Variants in PDE4D observed in about 807,000 individuals in gnomAD.
The protein encoded by PDE4D is 3',5'-cyclic-AMP phosphodiesterase 4D.
PDE4D carries 24 observed loss-of-function variants against 87.4 expected under a neutral mutation model. The ratio of observed to expected loss-of-function variants is 0.27; its 90% CI spans 0.20 to 0.39. The LOEUF is 0.39. Among genes scored for constraint, PDE4D ranks in the 10% least tolerant of loss-of-function variants. PDE4D has a pLI of 1.00. For missense variants in PDE4D, 714 were observed against 1,041.0 expected (o/e 0.69, Z 4.32); for synonymous variants, 384 against 383.2 (o/e 1.00, Z -0.02).
intron 3 of PDE4D, among the ~76,000 whole-genome samples, chr5:59,906,049 C>A (rs1220740728): frequency 6.6e-6 from 1 of 152,126 alleles, no homozygotes; most frequent in Non-Finnish European, 1.5e-5. Flanking sequence ...GGAGGGCCTA[C>A]TATGTCAGAT....
Position 58,974,043 on chromosome 5 carries a change from T to TAATA in PDE4D, c.*617_*620dup, listed in dbSNP as rs1162025198. 1.3e-5 allele frequency: 2 copies of TAATA among 152,600 alleles called. No individual in the cohort carries two copies. The highest frequency in any genetic ancestry group is 2.4e-5 in the African/African-American group (1 of 41,440). 9.5% of individuals were successfully genotyped at this position (152,600 alleles called of 1,614,324 possible). A position where few individuals can be genotyped will look rare whatever the true frequency, so the allele number is the denominator to read the frequency against. The stretch of plus-strand genomic sequence containing the variant: ...TTCTGAACATAGTTTTTTTTAAATA[T>TAATA]AATACCTCAATACATTTAATAATAA... On this transcript the variant is annotated 3_prime_UTR_variant, in exon 15 of 15. Coordinates refer to ENST00000340635, the MANE Select transcript of PDE4D (RefSeq NM_001104631.2).
At chr5:59,294,675 C>A (rs1351663148) in intron 1 of PDE4D, among the ~76,000 whole-genome samples, 3 of 152,136 alleles carry the variant, frequency 2.0e-5, no homozygotes, top group Admixed American at 6.6e-5. Context: ...CTTGAAAGAA[C>A]AATGCACGCA....
intron 1 of PDE4D, among the ~76,000 whole-genome samples, chr5:59,509,321 A>T (rs914021944): frequency 6.6e-6 from 1 of 151,824 alleles, no homozygotes; most frequent in Non-Finnish European, 1.5e-5. Flanking sequence ...GCACAAAATA[A>T]GATAGTAAGA....
intron 1 of PDE4D, among the ~76,000 whole-genome samples, chr5:59,882,060 T>C (rs1333503109): frequency 6.6e-6 from 1 of 152,196 alleles, no homozygotes; most frequent in Non-Finnish European, 1.5e-5. Flanking sequence ...TGTGGGTCTG[T>C]TGATTTATTT....
At chr5:60,017,474 T>C (rs184951945) in intron 2 of PDE4D, among the ~76,000 whole-genome samples, 1 of 152,042 alleles carries the variant, frequency 6.6e-6, no homozygotes, top group East Asian at 1.9e-4. Context: ...TGGGCCCCAG[T>C]GTGTGTTGTT....
intron 5 of PDE4D, among the ~76,000 whole-genome samples, chr5:59,111,077 AC>A (rs1262358763): frequency 2.0e-5 from 3 of 152,144 alleles, no homozygotes; most frequent in African/African-American, 7.2e-5. Flanking sequence ...TTGCAAAGCT[AC>A]TTTTCTTTAA....
At chr5:60,501,918 A>G (rs1348365581) in intron 1 of PDE4D, among the ~76,000 whole-genome samples, 1 of 152,088 alleles carries the variant, frequency 6.6e-6, no homozygotes, top group Non-Finnish European at 1.5e-5. Context: ...TGTCAGATGA[A>G]TAGATTGTGA....
chr5:59,708,035 CA>C (rs1561515125), intron 1 of PDE4D, among the ~76,000 whole-genome samples: 1 of 152,136 alleles, frequency 6.6e-6, no homozygotes, highest in Non-Finnish European at 1.5e-5. Context: ...AATCGCCATA[CA>C]GTCTTCCATA....
intron 1 of PDE4D, among the ~76,000 whole-genome samples, chr5:60,454,344 G>A (rs545397018): frequency 2.2e-4 from 34 of 152,090 alleles, no homozygotes; most frequent in Non-Finnish European, 4.4e-4. Context: ...AAAGATACAC[G>A]CATGCGTATG....
At chr5:59,176,949 A>G (rs901233504) in intron 5 of PDE4D, among the ~76,000 whole-genome samples, 6 of 152,112 alleles carry the variant, frequency 3.9e-5, no homozygotes, top group African/African-American at 1.2e-4. Flanking sequence ...ATTTTGGCCA[A>G]TTTAAGGACC....
intron 1 of PDE4D, among the ~76,000 whole-genome samples, chr5:59,335,671 G>A (rs1777534732): frequency 6.6e-6 from 1 of 152,100 alleles, no homozygotes; most frequent in African/African-American, 2.4e-5. Flanking sequence ...AGTAAGAATT[G>A]CTCCTTTAAA....
chr5:59,080,988 G>C (rs921083327), intron 5 of PDE4D, among the ~76,000 whole-genome samples: 1 of 152,084 alleles, frequency 6.6e-6, no homozygotes, highest in African/African-American at 2.4e-5. Context: ...CCAAGTTTAT[G>C]TTTTAGACAC....
At chr5:59,708,042 C>T (rs1402286262) in intron 1 of PDE4D, among the ~76,000 whole-genome samples, 1 of 152,136 alleles carries the variant, frequency 6.6e-6, no homozygotes, top group Admixed American at 6.6e-5. Context: ...ATACAGTCTT[C>T]CATAATGGTT....
intron 2 of PDE4D, among the ~76,000 whole-genome samples, chr5:59,995,921 T>C (rs944323404): frequency 3.3e-5 from 5 of 152,174 alleles, no homozygotes; most frequent in Non-Finnish European, 7.3e-5. Context: ...CTCCATTTCT[T>C]CAACTGCAAG....
At chr5:59,795,067 G>GA (rs1766305218) in intron 1 of PDE4D, among the ~76,000 whole-genome samples, 1 of 152,178 alleles carries the variant, frequency 6.6e-6, no homozygotes, top group Non-Finnish European at 1.5e-5. Flanking sequence ...GCGGGGCTCT[G>GA]AAAACTAGAT....
At chr5:60,421,727 T>C (rs1415974609) in intron 1 of PDE4D, among the ~76,000 whole-genome samples, 2 of 152,116 alleles carry the variant, frequency 1.3e-5, no homozygotes, top group Non-Finnish European at 2.9e-5. Flanking sequence ...TTCAGAAGGA[T>C]GGTAATAACA....
chr5:59,983,145 C>T (rs1250270964), intron 3 of PDE4D, among the ~76,000 whole-genome samples: 1 of 152,084 alleles, frequency 6.6e-6, no homozygotes, highest in African/African-American at 2.4e-5. Context: ...CACTACCCGG[C>T]CATCAGCCAC....
chr5:60,374,222 G>C (rs1004818623), intron 1 of PDE4D, among the ~76,000 whole-genome samples: 35 of 152,074 alleles, frequency 2.3e-4, no homozygotes, highest in Admixed American at 2.0e-3. Flanking sequence ...TCATAATGTT[G>C]TATGGGAAAG....
intron 1 of PDE4D, among the ~76,000 whole-genome samples, chr5:59,527,082 T>C (rs959519310): frequency 5.9e-5 from 9 of 152,210 alleles, no homozygotes; most frequent in South Asian, 2.1e-4. Flanking sequence ...ACAGAAAATA[T>C]AGGCAAAACG....
Sources: allele counts gnomAD v4.1 joint callset (sites outside exome capture counted in the v4.1 genomes callset), GRCh38; gene constraint gnomAD v4.1.1; transcripts MANE v1.5; gene names NCBI Gene and HGNC (gene_info 2026-07-23, HGNC 2026-07-21).